Variants in GRID2 observed in about 807,000 individuals in gnomAD.
The protein encoded by GRID2 is glutamate ionotropic receptor delta type subunit 2.
A neutral mutation model predicts 114.8 loss-of-function variants in GRID2; 33 were observed. The ratio of observed to expected loss-of-function variants is 0.29; its 90% CI spans 0.22 to 0.38. The LOEUF is 0.38. Ranked by LOEUF, GRID2 falls within the 10% of genes least tolerant of loss-of-function variation. The pLI is 1.00. For synonymous variants in GRID2, 505 were observed against 449.9 expected, an observed-to-expected ratio of 1.12 and a Z score of -1.55; for missense variants, 1,184 against 1,257.7, an observed-to-expected ratio of 0.94 and a Z score of 0.89.
chr4:92,313,103 GTGTGTGTGTGTGTGTGTGTA>G (rs1725790945), intron 1 of GRID2, among the ~76,000 whole-genome samples: 1 of 151,542 alleles, frequency 6.6e-6, no homozygotes, highest in Admixed American at 6.6e-5. Context: ...GTGTGTGTGT[GTGTGTGTGTGTGTGTGTGTA>G]TATGAGATGG....
chr4:93,637,088 A>C (rs1384994024), intron 14 of GRID2, among the ~76,000 whole-genome samples: 1 of 152,210 alleles, frequency 6.6e-6, no homozygotes. Context: ...TAACTAGAAC[A>C]TCTGTTTAAA....
chr4:93,286,327 AAT>A (rs1390453235), intron 8 of GRID2, among the ~76,000 whole-genome samples: 1 of 152,158 alleles, frequency 6.6e-6, no homozygotes, highest in Non-Finnish European at 1.5e-5. Flanking sequence ...AGATTAAGCC[AAT>A]AAAATCTATA....
chr4:93,073,210 C>T (rs1728961645), intron 2 of GRID2, among the ~76,000 whole-genome samples: 1 of 152,148 alleles, frequency 6.6e-6, no homozygotes, highest in African/African-American at 2.4e-5. Flanking sequence ...AAAAAAGAAG[C>T]CATGACATTA....
At chr4:93,392,193 T>C (rs891149742) in intron 8 of GRID2, among the ~76,000 whole-genome samples, 16 of 152,266 alleles carry the variant, frequency 1.1e-4, no homozygotes, top group African/African-American at 3.8e-4. Flanking sequence ...ATAGACAGTA[T>C]GAGATTTTGT....
chr4:92,711,739 C>CA (rs1735264911), intron 2 of GRID2, among the ~76,000 whole-genome samples: 2 of 151,994 alleles, frequency 1.3e-5, no homozygotes, highest in African/African-American at 2.4e-5. Flanking sequence ...TCTGTCTTTA[C>CA]AAAAAATACA....
At chr4:92,829,609 C>A (rs1289166186) in intron 2 of GRID2, among the ~76,000 whole-genome samples, 1 of 152,048 alleles carries the variant, frequency 6.6e-6, no homozygotes, top group Non-Finnish European at 1.5e-5. Context: ...GATTATAAAT[C>A]ATTCTATAAA....
At chr4:92,548,899 C>G (rs1726427661) in intron 1 of GRID2, among the ~76,000 whole-genome samples, 1 of 151,636 alleles carries the variant, frequency 6.6e-6, no homozygotes, top group Admixed American at 6.6e-5. Flanking sequence ...TTTTAAACAC[C>G]CAGATTTCAT....
At chr4:93,390,693 T>C (rs1332417724) in intron 8 of GRID2, among the ~76,000 whole-genome samples, 1 of 152,106 alleles carries the variant, frequency 6.6e-6, no homozygotes, top group East Asian at 1.9e-4. Flanking sequence ...CCTATAAAAA[T>C]AGGATATCAT....
At chr4:92,547,396 T>A (rs1255675639) in intron 1 of GRID2, among the ~76,000 whole-genome samples, 1 of 152,190 alleles carries the variant, frequency 6.6e-6, no homozygotes, top group African/African-American at 2.4e-5. Flanking sequence ...ATTTTTGAAT[T>A]TATTTTGTTT....
At chr4:93,528,073 G>A (rs1463644803) in intron 13 of GRID2, among the ~76,000 whole-genome samples, 1 of 151,764 alleles carries the variant, frequency 6.6e-6, no homozygotes, top group African/African-American at 2.4e-5. Flanking sequence ...ATATTCTGTT[G>A]TGTATATGTG....
intron 2 of GRID2, among the ~76,000 whole-genome samples, chr4:92,625,002 G>C (rs1730451598): frequency 6.6e-6 from 1 of 151,564 alleles, no homozygotes; most frequent in Non-Finnish European, 1.5e-5. Flanking sequence ...TTAAATTTTT[G>C]GTGGTATACC....
intron 11 of GRID2, among the ~76,000 whole-genome samples, chr4:93,482,247 C>T (rs1034326426): frequency 2.0e-5 from 3 of 151,968 alleles, no homozygotes; most frequent in East Asian, 1.9e-4. Context: ...ATATGGTTAT[C>T]GCAGCACTAT....
At chr4:93,576,699 T>C (rs1231124671) in intron 13 of GRID2, among the ~76,000 whole-genome samples, 2 of 152,184 alleles carry the variant, frequency 1.3e-5, no homozygotes, top group African/African-American at 4.8e-5. Flanking sequence ...GTGTTGCTGG[T>C]TCTTCGATAC....
Position 93,207,476 on chromosome 4 carries a change from T to C in GRID2, c.789+19T>C, listed in dbSNP as rs1439649708. On this transcript the variant is annotated intron_variant, in intron 5 of 15. Coordinates refer to ENST00000282020, the MANE Select transcript of GRID2 (RefSeq NM_001510.4). ...AAATGAGGTAAAGCCAACTAAACCTTATTGTTAACTCTGTGTCCTTTTTTC... is the reference window on the plus strand; with the variant it reads ...AAATGAGGTAAAGCCAACTAAACCTCATTGTTAACTCTGTGTCCTTTTTTC... 1 of 1,482,930 alleles carries C rather than the reference T, an allele frequency of 6.7e-7. No individual in the cohort carries two copies. Among genetic ancestry groups the C allele is most frequent in the Admixed American group, 1.7e-5 (1 of 58,496 alleles). 91.9% of individuals were successfully genotyped at this position (1,482,930 alleles called of 1,614,324 possible). A position where few individuals can be genotyped will look rare whatever the true frequency, so the allele number is the denominator to read the frequency against.
At chr4:92,987,525 A>T (rs545169289) in intron 2 of GRID2, among the ~76,000 whole-genome samples, 1 of 152,236 alleles carries the variant, frequency 6.6e-6, no homozygotes, top group South Asian at 2.1e-4. Flanking sequence ...GCACACCAAC[A>T]TGGCACATGT....
intron 2 of GRID2, among the ~76,000 whole-genome samples, chr4:92,904,785 GA>G (rs891262725): frequency 2.0e-5 from 3 of 152,076 alleles, no homozygotes; most frequent in African/African-American, 7.2e-5. Context: ...ATACATTTAT[GA>G]ATTACAGAGA....
chr4:92,657,265 A>G (rs1418353530), intron 2 of GRID2, among the ~76,000 whole-genome samples: 1 of 151,640 alleles, frequency 6.6e-6, no homozygotes. Flanking sequence ...TTCTTATTGT[A>G]CTTATTTGTG....
chr4:92,459,670 A>C (rs552852859), intron 1 of GRID2, among the ~76,000 whole-genome samples: 36 of 152,168 alleles, frequency 2.4e-4, no homozygotes, highest in African/African-American at 8.2e-4. Flanking sequence ...GTTGTAATTG[A>C]AATATGTATT....
chr4:92,792,183 A>G (rs2149365294), intron 2 of GRID2, among the ~76,000 whole-genome samples: 1 of 151,808 alleles, frequency 6.6e-6, no homozygotes, highest in East Asian at 2.0e-4. Context: ...TCTTCCCTGA[A>G]CACATTATTG....
Sources: allele counts gnomAD v4.1 joint callset (sites outside exome capture counted in the v4.1 genomes callset), GRCh38; gene constraint gnomAD v4.1.1; transcripts MANE v1.5; gene names NCBI Gene and HGNC (gene_info 2026-07-23, HGNC 2026-07-21).